Variants in SYNPR observed in about 807,000 individuals in gnomAD.
SYNPR encodes the protein synaptoporin.
SYNPR carries 23 observed loss-of-function variants against 32.9 expected under a neutral mutation model. The observed-to-expected ratio is 0.70, with a 90% CI of 0.50 to 0.99. The LOEUF is 0.99. Among genes scored for constraint, SYNPR ranks in the 50% least tolerant of loss-of-function variants. The probability of loss-of-function intolerance (pLI) is 0.00; values close to 1 mark genes in which losing one functional copy is unlikely to be tolerated. For missense variants in SYNPR, 318 were observed against 349.3 expected, an observed-to-expected ratio of 0.91 and a Z score of 0.71; for synonymous variants, 146 against 135.9, an observed-to-expected ratio of 1.07 and a Z score of -0.52.
chr3:63,500,426 C>T (rs1244304412), intron 3 of SYNPR, among the ~76,000 whole-genome samples: 2 of 152,152 alleles, frequency 1.3e-5, no homozygotes, highest in African/African-American at 4.8e-5. Context: ...GTGAGTCAGT[C>T]TGTTTTTATC....
rs143995884 is a variant in SYNPR, at chr3:63,462,896, A to T, written c.85-17936A>T. On this transcript the variant is annotated intron_variant, in intron 2 of 5. Transcript: ENST00000478300. ...TTGTTTTCAGTTTCCTGTAAGGGGAAGGTGCTTGTGTGAACATACAGGCCC... is the reference window on the plus strand; with the variant it reads ...TTGTTTTCAGTTTCCTGTAAGGGGATGGTGCTTGTGTGAACATACAGGCCC... Among the ~76,000 whole-genome samples, 161 of 152,266 alleles carry T rather than the reference A, an allele frequency of 1.1e-3. 4 individuals carry two copies. Among genetic ancestry groups the T allele is most frequent in the East Asian group, 3.9e-4 (2 of 5,176 alleles).
At chr3:63,581,964 A>G (rs895705931) in intron 4 of SYNPR, among the ~76,000 whole-genome samples, 1 of 152,136 alleles carries the variant, frequency 6.6e-6, no homozygotes, top group African/African-American at 2.4e-5. Context: ...TCTCAAAATC[A>G]TCAAAACAGT....
intron 4 of SYNPR, among the ~76,000 whole-genome samples, chr3:63,586,718 CTAA>C (rs1412875035): frequency 6.8e-6 from 1 of 147,030 alleles, no homozygotes; most frequent in African/African-American, 2.5e-5. Flanking sequence ...TATATATATA[CTAA>C]TAAGTTACTA....
chr3:63,411,901 A>C (rs9854080), intron 2 of SYNPR, among the ~76,000 whole-genome samples: 2,719 of 152,212 alleles, frequency 0.018, 81 homozygotes, highest in African/African-American at 0.061. Context: ...TCAGATGTGC[A>C]TTCTAAAATG....
chr3:63,514,660 G>A (rs1370550655), intron 3 of SYNPR, among the ~76,000 whole-genome samples: 1 of 152,098 alleles, frequency 6.6e-6, no homozygotes, highest in Non-Finnish European at 1.5e-5. Context: ...AGGCCATTTG[G>A]AGTAAGTAAT....
intron 2 of SYNPR, among the ~76,000 whole-genome samples, chr3:63,349,800 G>T (rs763758564): frequency 6.6e-6 from 1 of 152,092 alleles, no homozygotes; most frequent in Admixed American, 6.5e-5. Flanking sequence ...AAGCGTAGAA[G>T]GTACAGCTGT....
At chr3:63,611,304 C>T (rs1700193388) in intron 5 of SYNPR, among the ~76,000 whole-genome samples, 1 of 152,162 alleles carries the variant, frequency 6.6e-6, no homozygotes, top group Non-Finnish European at 1.5e-5. Flanking sequence ...AAAGTTTTAC[C>T]TAACCTTGCA....
chr3:63,452,995 C>A (rs1424068809), intron 2 of SYNPR, among the ~76,000 whole-genome samples: 1 of 152,114 alleles, frequency 6.6e-6, no homozygotes, highest in Non-Finnish European at 1.5e-5. Flanking sequence ...CATGTAACAG[C>A]TTCCTGTTCA....
chr3:63,411,338 C>T (rs2088462185), intron 2 of SYNPR, among the ~76,000 whole-genome samples: 1 of 152,056 alleles, frequency 6.6e-6, no homozygotes, highest in South Asian at 2.1e-4. Context: ...TCTGTTTGTG[C>T]AGTCATTCAA....
intron 4 of SYNPR, among the ~76,000 whole-genome samples, chr3:63,580,033 A>T (rs1228019463): frequency 2.6e-5 from 4 of 152,156 alleles, no homozygotes; most frequent in Non-Finnish European, 5.9e-5. Context: ...TTGAGCTAGG[A>T]GGTCTCTAAT....
At chr3:63,388,755 A>T (rs2088092303) in intron 2 of SYNPR, among the ~76,000 whole-genome samples, 1 of 152,016 alleles carries the variant, frequency 6.6e-6, no homozygotes, top group African/African-American at 2.4e-5. Flanking sequence ...CAATATTTTT[A>T]AGTGGTGCAT....
chr3:63,526,087 T>C (rs1702006623), intron 3 of SYNPR, among the ~76,000 whole-genome samples: 1 of 152,206 alleles, frequency 6.6e-6, no homozygotes, highest in Non-Finnish European at 1.5e-5. Flanking sequence ...CAGCCAGTTC[T>C]CTTAGGAACT....
chr3:63,504,237 C>G (rs539563590), intron 3 of SYNPR, among the ~76,000 whole-genome samples: 46 of 152,056 alleles, frequency 3.0e-4, no homozygotes, highest in South Asian at 2.9e-3. Flanking sequence ...AATTAGGAGC[C>G]CTGGTAAGCT....
At chr3:63,370,838 G>C (rs1328521664) in intron 2 of SYNPR, among the ~76,000 whole-genome samples, 1 of 152,146 alleles carries the variant, frequency 6.6e-6, no homozygotes, top group Non-Finnish European at 1.5e-5. Context: ...AGAGTACTGA[G>C]TTAGAGAAAG....
At chr3:63,257,972 G>A (rs1160540962) in intron 2 of SYNPR, among the ~76,000 whole-genome samples, 1 of 152,106 alleles carries the variant, frequency 6.6e-6, no homozygotes, top group African/African-American at 2.4e-5. Context: ...AAGAGACGAA[G>A]AAGGCCATTA....
chr3:63,381,501 G>A (rs1170940703), intron 2 of SYNPR, among the ~76,000 whole-genome samples: 1 of 152,328 alleles, frequency 6.6e-6, no homozygotes, highest in South Asian at 2.1e-4. Flanking sequence ...TAGATTCAAT[G>A]CCATCCCCAT....
At chr3:63,607,968 A>G (rs1275268888) in intron 4 of SYNPR, among the ~76,000 whole-genome samples, 1 of 152,176 alleles carries the variant, frequency 6.6e-6, no homozygotes, top group African/African-American at 2.4e-5. Flanking sequence ...TGAGGAGGTT[A>G]TTATTAAGAA....
intron 1 of SYNPR, among the ~76,000 whole-genome samples, chr3:63,232,376 AT>A (rs2086173382): frequency 6.6e-6 from 1 of 151,066 alleles, no homozygotes; most frequent in Non-Finnish European, 1.5e-5. Context: ...GAATTTTTGT[AT>A]TTTTAGTAGA....
At chr3:63,497,228 T>C (rs115193473) in intron 3 of SYNPR, among the ~76,000 whole-genome samples, 1,767 of 152,292 alleles carry the variant, frequency 0.012, 33 homozygotes, top group African/African-American at 0.04. Flanking sequence ...TTTGAAAATT[T>C]GTATATTGAA....
Sources: allele counts gnomAD v4.1 joint callset (sites outside exome capture counted in the v4.1 genomes callset), GRCh38; gene constraint gnomAD v4.1.1; transcripts MANE v1.5; gene names NCBI Gene and HGNC (gene_info 2026-07-23, HGNC 2026-07-21).